RHOH: variants seen among roughly 807,000 people sequenced by gnomAD.
The protein encoded by RHOH is rho-related GTP-binding protein RhoH.
A neutral mutation model predicts 13.8 loss-of-function variants in RHOH; 6 were observed. The ratio of observed to expected loss-of-function variants is 0.44; its 90% CI spans 0.24 to 0.86. The LOEUF (loss-of-function observed/expected upper bound fraction) is 0.86. RHOH is among the 40% of genes least tolerant of loss of function. The pLI is 0.24. For synonymous variants in RHOH, 117 were observed against 103.0 expected (o/e 1.14, Z -0.82); for missense variants, 147 against 244.5 (o/e 0.60, Z 2.66).
upstream of RHOH, among the ~76,000 whole-genome samples, chr4:40,192,060 T>C (rs2109323790): frequency 6.6e-6 from 1 of 152,322 alleles, no homozygotes; most frequent in East Asian, 1.9e-4. Context: ...TGAATGTATT[T>C]TTACACTAAA....
chr4:40,214,195 C>T (rs918189012), intron 1 of RHOH, among the ~76,000 whole-genome samples: 3 of 152,078 alleles, frequency 2.0e-5, no homozygotes, highest in Admixed American at 6.5e-5. Flanking sequence ...TTGGGGAAGG[C>T]GGGGCGGAAG....
chr4:40,236,517 G>A (rs1379855532), intron 1 of RHOH, among the ~76,000 whole-genome samples: 2 of 152,154 alleles, frequency 1.3e-5, no homozygotes, highest in East Asian at 3.8e-4. Flanking sequence ...CCGGCTGGCT[G>A]CGGTGGCTCA....
intron 1 of RHOH, among the ~76,000 whole-genome samples, chr4:40,208,157 G>C (rs978198816): frequency 2.6e-5 from 4 of 152,052 alleles, no homozygotes; most frequent in African/African-American, 4.8e-5. Flanking sequence ...GGACTAAAAT[G>C]ATCATACTCT....
upstream of RHOH, among the ~76,000 whole-genome samples, chr4:40,194,213 T>C (rs1316142867): frequency 9.1e-6 from 1 of 110,328 alleles, no homozygotes; most frequent in Non-Finnish European, 1.9e-5. Context: ...TCTGAAGTCA[T>C]TTTTCTTTAT....
upstream of RHOH, among the ~76,000 whole-genome samples, chr4:40,195,693 C>T (rs564850891): frequency 2.0e-4 from 31 of 152,186 alleles, no homozygotes; most frequent in East Asian, 1.7e-3. Flanking sequence ...CAATGCTCCC[C>T]GCTCAGCCTC....
intron 1 of RHOH, among the ~76,000 whole-genome samples, chr4:40,203,065 G>A (rs527518252): frequency 3.4e-4 from 51 of 152,016 alleles, no homozygotes; most frequent in Non-Finnish European, 6.0e-4. Flanking sequence ...TCCGCTTCCC[G>A]GGTTCACGCC....
intron 1 of RHOH, among the ~76,000 whole-genome samples, chr4:40,237,770 A>G (rs776583715): frequency 1.3e-4 from 20 of 152,194 alleles, no homozygotes; most frequent in South Asian, 6.2e-4. Flanking sequence ...GGCCATCCCC[A>G]ACTGGCGATG....
chr4:40,223,940 G>A (rs1012800082), intron 1 of RHOH, among the ~76,000 whole-genome samples: 3 of 151,726 alleles, frequency 2.0e-5, no homozygotes. Context: ...GCCTGGCTAA[G>A]TTTGTATTTT....
chr4:40,214,271 G>A (rs182296442), intron 1 of RHOH, among the ~76,000 whole-genome samples: 25 of 152,326 alleles, frequency 1.6e-4, no homozygotes, highest in East Asian at 7.7e-4. Flanking sequence ...TCATGCACAG[G>A]TGGCGAGGTG....
At chr4:40,198,721 T>A (rs2109347798) in intron 1 of RHOH, among the ~76,000 whole-genome samples, 1 of 152,354 alleles carries the variant, frequency 6.6e-6, no homozygotes, top group Non-Finnish European at 1.5e-5. Flanking sequence ...GGCCCTTCAA[T>A]TATCCAGGAA....
intron 1 of RHOH, among the ~76,000 whole-genome samples, chr4:40,197,803 T>C: frequency 6.6e-6 from 1 of 152,240 alleles, no homozygotes; most frequent in Non-Finnish European, 1.5e-5. Context: ...TGCTCTATGA[T>C]GTATAACATG....
chr4:40,224,143 T>C (rs1726947000), intron 1 of RHOH, among the ~76,000 whole-genome samples: 1 of 152,230 alleles, frequency 6.6e-6, no homozygotes, highest in African/African-American at 2.4e-5. Flanking sequence ...TTCACTTTAT[T>C]GCAGTGGTCT....
intron 1 of RHOH, among the ~76,000 whole-genome samples, chr4:40,201,366 GAA>G (rs201431420): frequency 2.2e-5 from 3 of 136,960 alleles, no homozygotes; most frequent in Admixed American, 7.3e-5. Flanking sequence ...TGATTTCAAT[GAA>G]AAAAAAAAAA....
chr4:40,239,509 A>G (rs1728995497), intron 1 of RHOH, among the ~76,000 whole-genome samples: 1 of 152,192 alleles, frequency 6.6e-6, no homozygotes, highest in Non-Finnish European at 1.5e-5. Context: ...TTATTTGAGA[A>G]TGTTATTAAT....
intron 1 of RHOH, among the ~76,000 whole-genome samples, chr4:40,234,354 G>A (rs753312092): frequency 1.2e-4 from 19 of 152,192 alleles, no homozygotes; most frequent in Non-Finnish European, 2.2e-4. Context: ...GTTTTGAGAT[G>A]AGTTTCTAAG....
chr4:40,235,590 C>CAAAAAAAAAAAAAAAAAAAA (rs34336418), intron 1 of RHOH, among the ~76,000 whole-genome samples: 17 of 74,724 alleles, frequency 2.3e-4, no homozygotes, highest in Admixed American at 3.7e-4. Context: ...AACTTCATCT[C>CAAAAAAAAAAAAAAAAAAAA]AAAAAAAAAA....
rs1729468495 is a variant in RHOH, at chr4:40,243,271, G to A, written c.-116G>A. 1 of 838,250 alleles carries A rather than the reference G, an allele frequency of 1.2e-6. No individual in the cohort carries two copies. The highest frequency in any genetic ancestry group is 2.6e-5 in the East Asian group (1 of 38,006). 51.9% of individuals were successfully genotyped at this position (838,250 alleles called of 1,614,324 possible). On this transcript the variant is annotated 5_prime_UTR_variant, in exon 3 of 3. Transcript: ENST00000381799. This position sits in a 1 kb window ranked among gnomAD's most constrained non-coding sequence, Gnocchi z 6.2. ...GCAAATCGCCGTCAGAGGTCCTGAG[G>A]ACACAGACCTACCTGGCTTGCATTC...
chr4:40,195,378 C>A (rs1468413483), upstream of RHOH, among the ~76,000 whole-genome samples: 1 of 133,320 alleles, frequency 7.5e-6, no homozygotes, highest in East Asian at 2.1e-4. Context: ...TCCTTCCTTC[C>A]TTCCTTCCTT....
At chr4:40,209,982 C>A (rs1053825859) in intron 1 of RHOH, among the ~76,000 whole-genome samples, 3 of 152,066 alleles carry the variant, frequency 2.0e-5, no homozygotes, top group Non-Finnish European at 4.4e-5. Flanking sequence ...GTTGGAATAT[C>A]ATATAACTCT....
Sources: gnomAD v4.1 joint callset for allele counts (sites outside exome capture counted in the v4.1 genomes callset) on GRCh38, gnomAD v4.1.1 for gene constraint, Gnocchi (gnomAD v3.1) non-coding constraint, MANE v1.5 for transcripts, NCBI Gene and HGNC (gene_info 2026-07-23, HGNC 2026-07-21) for gene names.